GRIN2B: variants seen among roughly 807,000 people sequenced by gnomAD.
GRIN2B encodes the protein glutamate receptor ionotropic, NMDA 2B.
Under a neutral mutation model 114.5 loss-of-function variants are expected in GRIN2B, and 5 were observed. That is an observed-to-expected ratio of 0.04 (90% CI 0.02 to 0.09). The LOEUF is 0.09. Among genes scored for constraint, GRIN2B ranks in the 10% least tolerant of loss-of-function variants. The pLI is 1.00. For missense variants in GRIN2B, 1,108 were observed against 1,943.5 expected (o/e 0.57, Z 8.08); for synonymous variants, 787 against 745.1 (o/e 1.06, Z -0.92).
At chr12:13,889,747 T>G (rs1049679860) in intron 2 of GRIN2B, among the ~76,000 whole-genome samples, 2 of 152,190 alleles carry the variant, frequency 1.3e-5, no homozygotes, top group African/African-American at 2.4e-5. Flanking sequence ...AAGGATGGAT[T>G]TTCGCACTGG....
chr12:13,920,151 C>A (rs1451698602), intron 2 of GRIN2B, among the ~76,000 whole-genome samples: 1 of 151,004 alleles, frequency 6.6e-6, no homozygotes, highest in Non-Finnish European at 1.5e-5. Flanking sequence ...GTAATCCCAA[C>A]TACTCAGGAG....
intron 2 of GRIN2B, among the ~76,000 whole-genome samples, chr12:13,933,824 T>G (rs1867081033): frequency 6.6e-6 from 1 of 152,186 alleles, no homozygotes; most frequent in Non-Finnish European, 1.5e-5. Context: ...TGGTTTGGGA[T>G]GGGGACAGGT....
intron 5 of GRIN2B, among the ~76,000 whole-genome samples, chr12:13,646,141 G>A (rs887672241): frequency 2.0e-5 from 3 of 152,126 alleles, no homozygotes; most frequent in South Asian, 4.1e-4. Flanking sequence ...ATGAGAGGTA[G>A]TGATAGGAAG....
At chr12:13,970,008 G>A (rs936849926) in intron 2 of GRIN2B, among the ~76,000 whole-genome samples, 88 of 152,028 alleles carry the variant, frequency 5.8e-4, no homozygotes, top group African/African-American at 2.0e-3. Context: ...AACTGCCACC[G>A]TGCCCAGCTA....
chr12:13,795,624 C>T (rs1465696271), intron 3 of GRIN2B, among the ~76,000 whole-genome samples: 8 of 152,206 alleles, frequency 5.3e-5, no homozygotes, highest in Non-Finnish European at 8.8e-5. Flanking sequence ...CATAAAGACA[C>T]GTGCATATGT....
At chr12:13,806,266 G>A (rs112351821) in intron 3 of GRIN2B, among the ~76,000 whole-genome samples, 5 of 152,156 alleles carry the variant, frequency 3.3e-5, no homozygotes, top group African/African-American at 1.2e-4. Context: ...GGGTCATTTG[G>A]TAATTCTATT....
At chr12:13,982,129 G>A (rs1169112053), upstream of GRIN2B, among the ~76,000 whole-genome samples, 2 of 151,700 alleles carry the variant, frequency 1.3e-5, no homozygotes, top group African/African-American at 4.8e-5. Context: ...GGGTGGTAAG[G>A]TGGATGGAAG....
At chr12:13,575,085 G>C (rs1297508552) in intron 10 of GRIN2B, among the ~76,000 whole-genome samples, 1 of 152,148 alleles carries the variant, frequency 6.6e-6, no homozygotes, top group Admixed American at 6.5e-5. Flanking sequence ...GTAAATACTA[G>C]AATTATAAAA....
intron 2 of GRIN2B, among the ~76,000 whole-genome samples, chr12:13,931,551 A>G (rs1222288612): frequency 6.6e-6 from 1 of 152,156 alleles, no homozygotes; most frequent in Non-Finnish European, 1.5e-5. Flanking sequence ...CTGCATCCAT[A>G]TCCATGGCGT....
Position 13,562,604 on chromosome 12 carries a change from G to A in GRIN2B, c.*179C>T. 2 of 629,038 alleles carry A rather than the reference G, an allele frequency of 3.2e-6. No individual in the cohort carries two copies. The highest frequency in any genetic ancestry group is 3.7e-5 in the South Asian group (2 of 53,892). 39.0% of individuals were successfully genotyped at this position (629,038 alleles called of 1,614,324 possible). A position where few individuals can be genotyped will look rare whatever the true frequency, so the allele number is the denominator to read the frequency against. ...AGAACTGTGAAAAGGAGGAGAGATG[G>A]TGCTGGTCACCAGGGTTGCCCCCAG... On this transcript the variant is annotated 3_prime_UTR_variant, in exon 14 of 14. Transcript: ENST00000609686.
chr12:13,630,586 C>A (rs1346170677), intron 5 of GRIN2B, among the ~76,000 whole-genome samples: 1 of 152,106 alleles, frequency 6.6e-6, no homozygotes, highest in Non-Finnish European at 1.5e-5. Context: ...TTGAGGACAA[C>A]CAAACGTAGA....
chr12:13,945,383 C>T (rs541587145), intron 2 of GRIN2B, among the ~76,000 whole-genome samples: 11 of 152,304 alleles, frequency 7.2e-5, no homozygotes, highest in African/African-American at 2.2e-4. Context: ...TTCCGTATCA[C>T]TCCAGATCCC....
chr12:13,556,274 A>G lies in GRIN2B; in HGVS notation c.*6509T>C, dbSNP rs966664. 0.68 allele frequency: 103,752 copies of G among 152,036 alleles called. 37,926 individuals carry two copies. Among genetic ancestry groups the G allele is most frequent in the Non-Finnish European group, 0.82 (55,588 of 67,980 alleles). 9.4% of individuals were successfully genotyped at this position (152,036 alleles called of 1,614,324 possible). A position where few individuals can be genotyped will look rare whatever the true frequency, so the allele number is the denominator to read the frequency against. On this transcript the variant is annotated 3_prime_UTR_variant, in exon 14 of 14. Transcript: ENST00000609686. ...GGATATCTTTGACTCCTACCCTGAA[A>G]CCAGAAAATATTAAACTTGCATGTA... is the stretch of plus-strand genomic sequence containing the variant.
intron 10 of GRIN2B, among the ~76,000 whole-genome samples, chr12:13,599,892 G>A (rs1449579567): frequency 6.6e-6 from 1 of 152,186 alleles, no homozygotes; most frequent in Non-Finnish European, 1.5e-5. Context: ...GTTAAAAGAA[G>A]TGCTCACTAG....
At chr12:13,611,379 A>AGC (rs1949363801) in intron 9 of GRIN2B, among the ~76,000 whole-genome samples, 1 of 152,198 alleles carries the variant, frequency 6.6e-6, no homozygotes, top group African/African-American at 2.4e-5. Flanking sequence ...CTGCCTTGTT[A>AGC]GCGACATCTG....
chr12:13,795,386 A>G (rs1223604354), intron 3 of GRIN2B, among the ~76,000 whole-genome samples: 2 of 151,566 alleles, frequency 1.3e-5, no homozygotes, highest in South Asian at 2.1e-4. Flanking sequence ...AAAAAAAAAA[A>G]CGTTTTACAA....
chr12:13,666,133 G>A (rs779614128), intron 5 of GRIN2B, among the ~76,000 whole-genome samples: 22 of 152,182 alleles, frequency 1.4e-4, no homozygotes, highest in Non-Finnish European at 2.9e-4. Context: ...GGGCAGTGGA[G>A]CACGGGCTTC....
chr12:13,927,589 G>A (rs1866940227), intron 2 of GRIN2B, among the ~76,000 whole-genome samples: 2 of 151,920 alleles, frequency 1.3e-5, no homozygotes, highest in Non-Finnish European at 2.9e-5. Flanking sequence ...CCCTGCCCTA[G>A]ATGGTTATAT....
intron 2 of GRIN2B, among the ~76,000 whole-genome samples, chr12:13,872,509 A>G (rs771169957): frequency 6.6e-6 from 1 of 152,128 alleles, no homozygotes; most frequent in African/African-American, 2.4e-5. Context: ...TTAAATAGTA[A>G]TCATCATCAC....
Sources: gnomAD v4.1 joint callset for allele counts (sites outside exome capture counted in the v4.1 genomes callset) on GRCh38, gnomAD v4.1.1 for gene constraint, MANE v1.5 for transcripts, NCBI Gene and HGNC (gene_info 2026-07-23, HGNC 2026-07-21) for gene names.